Variants in SLCO6A1 observed in about 807,000 individuals in gnomAD.
SLCO6A1 encodes the protein cancer/testis antigen 48.
Under a neutral mutation model 72.7 loss-of-function variants are expected in SLCO6A1, and 65 were observed. That is an observed-to-expected ratio of 0.89 (90% CI 0.73 to 1.10). The LOEUF (loss-of-function observed/expected upper bound fraction) is 1.10, where lower values mean the gene tolerates loss of function less well. Ranked by LOEUF, SLCO6A1 falls within the 50% of genes least tolerant of loss-of-function variation. The probability of loss-of-function intolerance (pLI) is 0.00; values close to 1 mark genes in which losing one functional copy is unlikely to be tolerated. For synonymous variants in SLCO6A1, 314 were observed against 298.2 expected (o/e 1.05, Z -0.55); for missense variants, 874 against 872.6 (o/e 1.00, Z -0.02).
At chr5:102,389,518 T>C (rs1172043735) in intron 11 of SLCO6A1, among the ~76,000 whole-genome samples, 2 of 134,970 alleles carry the variant, frequency 1.5e-5, no homozygotes, top group African/African-American at 2.8e-5. Context: ...AAAACTCTGA[T>C]GGTGGATCAT....
chr5:102,434,580 C>A (rs1433403272), intron 7 of SLCO6A1, among the ~76,000 whole-genome samples: 1 of 152,178 alleles, frequency 6.6e-6, no homozygotes, highest in East Asian at 1.9e-4. Flanking sequence ...GTTAGGTTAA[C>A]TTGTTAGCTT....
At chr5:102,388,140 G>T (rs1746517062) in intron 12 of SLCO6A1, among the ~76,000 whole-genome samples, 1 of 152,082 alleles carries the variant, frequency 6.6e-6, no homozygotes, top group South Asian at 2.1e-4. Flanking sequence ...TACTGTGGAG[G>T]TAGAAAGGGT....
chr5:102,392,354 A>G (rs1309138065), intron 10 of SLCO6A1, among the ~76,000 whole-genome samples: 1 of 152,028 alleles, frequency 6.6e-6, no homozygotes, highest in Non-Finnish European at 1.5e-5. Context: ...GTCACGTTTT[A>G]GAATCACACT....
chr5:102,482,269 A>G (rs568752018), intron 1 of SLCO6A1, among the ~76,000 whole-genome samples: 11 of 152,362 alleles, frequency 7.2e-5, no homozygotes, highest in African/African-American at 2.4e-4. Flanking sequence ...AAACCAGAAC[A>G]TATACATATA....
intron 6 of SLCO6A1, among the ~76,000 whole-genome samples, chr5:102,453,631 T>A (rs1229093875): frequency 6.6e-6 from 1 of 152,164 alleles, no homozygotes; most frequent in Admixed American, 6.5e-5. Flanking sequence ...CTGTCTCTTG[T>A]TTATTACTTT....
In SLCO6A1 at chr5:102,461,227, A is replaced by T. The variant is rs1751023318; in HGVS notation, c.900-1450T>A. 4.6e-5 allele frequency among the ~76,000 whole-genome samples: 7 copies of T among 152,100 alleles called. No homozygotes were observed. The South Asian group carries it at 1.5e-3, about 32-fold the overall frequency. On this transcript the variant is annotated intron_variant, in intron 4 of 13. Coordinates refer to ENST00000506729, the MANE Select transcript of SLCO6A1 (RefSeq NM_173488.5). ...GAGCTTCCATTCACAATACTAACAA[A>T]TGTATGAAATGCCTAGGAATAGGCT... is the stretch of plus-strand genomic sequence containing the variant.
At chr5:102,478,699 T>A (rs959706429) in intron 2 of SLCO6A1, among the ~76,000 whole-genome samples, 2 of 152,154 alleles carry the variant, frequency 1.3e-5, no homozygotes, top group African/African-American at 4.8e-5. Context: ...GATTGTTAGA[T>A]CCAGGCAATA....
At chr5:102,469,847 T>C (rs1468053648) in intron 4 of SLCO6A1, among the ~76,000 whole-genome samples, 1 of 152,168 alleles carries the variant, frequency 6.6e-6, no homozygotes. Flanking sequence ...ATACCTAGTT[T>C]ATTGAGAGTT....
Position 102,480,197 on chromosome 5 carries a change from T to C in SLCO6A1, c.596A>G (p.Gln199Arg). The change falls in exon 2 of 14, where the codon CAA becomes CGA. Residue 199 changes from glutamine (Q) to arginine (R), a missense_variant. By Grantham distance (43) the Gln-to-Arg change is conservative. Coordinates refer to ENST00000506729, the MANE Select transcript of SLCO6A1 (RefSeq NM_173488.5). ...AFPSINEENK[Q>R]SKVGIEDICE... The stretch of plus-strand genomic sequence containing the variant: ...CTTACCTTCAATTCCTACCTTACTT[T>C]GTTTATTTTCTTCATTAATGGATGG... The C allele has an allele frequency of 6.2e-7, 1 of 1,609,090 alleles. No individual in the cohort carries two copies.
At position 102,373,378 on chromosome 5, in the gene SLCO6A1, T is replaced by C; in HGVS notation, c.2134A>G (p.Lys712Glu). The C allele has an allele frequency of 6.4e-7, 1 of 1,569,726 alleles. No individual in the cohort carries two copies. Among genetic ancestry groups the C allele is most frequent in the South Asian group, 1.2e-5 (1 of 80,534 alleles). The change falls in exon 13 of 14, where the codon AAG becomes GAG. Residue 712 changes from lysine (K) to glutamate (E), a missense_variant. By Grantham distance (56) the Lys-to-Glu change is moderately conservative. Coordinates refer to ENST00000506729, the MANE Select transcript of SLCO6A1 (RefSeq NM_173488.5). ...PDVTVKNPKVKKKEETDL is the reference protein window; with the variant it reads ...PDVTVKNPKVEKKEETDL ...TACAAGTCAGTTTCTTCTTTTTTCT[T>C]AACTTTTGGATTCTTCACAGTTACA... is the stretch of plus-strand genomic sequence containing the variant.
chr5:102,387,759 T>C (rs1746496424), intron 12 of SLCO6A1, among the ~76,000 whole-genome samples: 1 of 152,196 alleles, frequency 6.6e-6, no homozygotes, highest in Non-Finnish European at 1.5e-5. Flanking sequence ...CTTTAAAGTA[T>C]GTATCACACA....
chr5:102,470,126 T>C (rs374358505), intron 4 of SLCO6A1, among the ~76,000 whole-genome samples: 2 of 151,990 alleles, frequency 1.3e-5, no homozygotes, highest in East Asian at 3.9e-4. Context: ...CTCTTTTTTG[T>C]GTGTGTGTCT....
Position 102,498,671 on chromosome 5 carries a change from C to G in SLCO6A1, c.174G>C (p.Leu58Phe). 6.2e-7 allele frequency: 1 copy of G among 1,614,216 alleles called. No individual in the cohort carries two copies. Among genetic ancestry groups the G allele is most frequent in the Non-Finnish European group, 8.5e-7 (1 of 1,180,040 alleles). Residue 58 changes from leucine (L) to phenylalanine (F), a missense_variant, in exon 1 of 14, where the codon TTG becomes TTC. Coordinates refer to ENST00000506729, the MANE Select transcript of SLCO6A1 (RefSeq NM_173488.5). Reference protein sequence around the residue: ...HRYLRLLPEALIRFGGFRKRK... With the variant: ...HRYLRLLPEAFIRFGGFRKRK... ...TTTTTCGGAAACCGCCGAACCTTAT[C>G]AAGGCCTCTGGAAGTAGTCTCAGAT...
intron 10 of SLCO6A1, among the ~76,000 whole-genome samples, chr5:102,397,122 G>A (rs981835750): frequency 6.6e-6 from 1 of 152,190 alleles, no homozygotes; most frequent in South Asian, 2.1e-4. Context: ...CTCATATGTA[G>A]TTACATTTAT....
intron 4 of SLCO6A1, among the ~76,000 whole-genome samples, chr5:102,474,153 C>T (rs78622146): frequency 0.025 from 3,759 of 151,956 alleles, 55 homozygotes; most frequent in South Asian, 0.045. Flanking sequence ...AAGTTGGAGG[C>T]ATAACACTTC....
chr5:102,436,965 G>A (rs926887982), intron 7 of SLCO6A1, among the ~76,000 whole-genome samples: 5 of 152,126 alleles, frequency 3.3e-5, no homozygotes, highest in African/African-American at 9.7e-5. Context: ...ATCATCAAGT[G>A]TTTATATCAC....
chr5:102,405,250 G>C (rs1044571863), intron 9 of SLCO6A1, among the ~76,000 whole-genome samples: 8 of 151,678 alleles, frequency 5.3e-5, no homozygotes, highest in African/African-American at 1.9e-4. Context: ...AAAGATATTG[G>C]GGCAGAAAAA....
intron 10 of SLCO6A1, among the ~76,000 whole-genome samples, chr5:102,397,395 AG>A (rs1190522683): frequency 6.6e-6 from 1 of 152,158 alleles, no homozygotes; most frequent in African/African-American, 2.4e-5. Flanking sequence ...TTCTATGTGT[AG>A]TAACACTTCC....
intron 6 of SLCO6A1, among the ~76,000 whole-genome samples, chr5:102,450,294 A>T (rs955837411): frequency 6.6e-5 from 10 of 152,344 alleles, no homozygotes; most frequent in Admixed American, 4.6e-4. Flanking sequence ...GACTAGAGTC[A>T]GTTGACTTCA....
Sources: allele counts gnomAD v4.1 joint callset (sites outside exome capture counted in the v4.1 genomes callset), GRCh38; gene constraint gnomAD v4.1.1; transcripts MANE v1.5; gene names NCBI Gene and HGNC (gene_info 2026-07-23, HGNC 2026-07-21).